AFAP1L1: variants seen among roughly 807,000 people sequenced by gnomAD.
The protein encoded by AFAP1L1 is actin filament associated protein 1 like 1.
Under a neutral mutation model 99.8 loss-of-function variants are expected in AFAP1L1, and 77 were observed. The ratio of observed to expected loss-of-function variants is 0.77; its 90% CI spans 0.64 to 0.93. The LOEUF (loss-of-function observed/expected upper bound fraction) is 0.93, where lower values mean the gene tolerates loss of function less well. Ranked by LOEUF, AFAP1L1 falls within the 40% of genes least tolerant of loss-of-function variation. The pLI, the probability that AFAP1L1 is intolerant of heterozygous loss-of-function variation, is 0.00. For synonymous variants in AFAP1L1, 373 were observed against 395.3 expected (o/e 0.94, Z 0.67); for missense variants, 893 against 996.8 (o/e 0.90, Z 1.40).
At chr5:149,291,214 G>A (rs894802310) in intron 1 of AFAP1L1, among the ~76,000 whole-genome samples, 5 of 152,092 alleles carry the variant, frequency 3.3e-5, no homozygotes, top group African/African-American at 1.2e-4. Flanking sequence ...GGAACAGAGC[G>A]TGAGGACAGC....
intron 1 of AFAP1L1, among the ~76,000 whole-genome samples, chr5:149,294,786 A>G (rs1755967001): frequency 7.1e-6 from 1 of 140,414 alleles, no homozygotes; most frequent in Non-Finnish European, 1.5e-5. Context: ...GGGCTGTGAG[A>G]GGAAGCCCAG....
intron 18 of AFAP1L1, among the ~76,000 whole-genome samples, chr5:149,336,285 G>C (rs967868057): frequency 2.6e-5 from 4 of 152,104 alleles, no homozygotes; most frequent in Non-Finnish European, 4.4e-5. Context: ...GCAAGACATA[G>C]GAATATATAT....
intron 1 of AFAP1L1, 145 bp downstream of exon 1, chr5:149,272,129 C>T: frequency 1.1e-6 from 1 of 910,090 alleles, no homozygotes; most frequent in Non-Finnish European, 1.4e-6. Context: ...GGAGACGCGG[C>T]GCTTATGCAA....
chr5:149,332,973 G>C (rs987802344), intron 17 of AFAP1L1, 100 bp downstream of exon 17: 37 of 1,397,802 alleles, frequency 2.6e-5, no homozygotes, highest in Non-Finnish European at 3.2e-5. Flanking sequence ...TAGGGGTTAT[G>C]CCCACTTACA....
intron 1 of AFAP1L1, among the ~76,000 whole-genome samples, chr5:149,282,038 CGGGAGGGCCCGGCCG>C (rs1392104767): frequency 1.3e-5 from 2 of 152,154 alleles, no homozygotes; most frequent in Admixed American, 6.5e-5. Context: ...GAGGCTGAGC[CGGGAGGGCCCGGCCG>C]GGGTCTATCC....
At chr5:149,288,831 C>T (rs1755761938) in intron 1 of AFAP1L1, among the ~76,000 whole-genome samples, 1 of 152,178 alleles carries the variant, frequency 6.6e-6, no homozygotes, top group East Asian at 1.9e-4. Context: ...CCCCAAGTGA[C>T]AGCCCTCCTG....
chr5:149,324,948 A>G (rs1324539336), intron 15 of AFAP1L1, among the ~76,000 whole-genome samples: 5 of 152,194 alleles, frequency 3.3e-5, no homozygotes, highest in South Asian at 2.1e-4. Context: ...TCATTCTCCA[A>G]TATCCTAATG....
intron 15 of AFAP1L1, 103 bp downstream of exon 15, chr5:149,322,820 G>A (rs1372690602): frequency 7.8e-6 from 7 of 901,106 alleles, no homozygotes; most frequent in Non-Finnish European, 1.2e-5. Context: ...AAATAAATGA[G>A]CAAAGTGAGA....
Position 149,319,702 on chromosome 5 carries a change from G to A in AFAP1L1, c.1600G>A (p.Val534Ile), listed in dbSNP as rs375480737. Residue 534 changes from valine to isoleucine, a missense_variant, in exon 13 of 19, where the codon GTC becomes ATC. By Grantham distance (29) the Val-to-Ile change is conservative. Coordinates refer to ENST00000296721, the MANE Select transcript of AFAP1L1 (RefSeq NM_152406.4). ...GGATGTGGAGACCTTAACCAGCATC[G>A]TCAGTGCTGGGCGCAACTCCTTCCT... ...YVDVETLTSI[V>I]SAGRNSFLYA... 97 of 1,612,092 alleles carry A rather than the reference G, an allele frequency of 6.0e-5. No homozygotes were observed. Among genetic ancestry groups the A allele is most frequent in the East Asian group, 4.9e-4 (22 of 44,886 alleles).
intron 1 of AFAP1L1, among the ~76,000 whole-genome samples, chr5:149,289,114 G>C (rs1214976729): frequency 6.6e-6 from 1 of 152,128 alleles, no homozygotes; most frequent in Non-Finnish European, 1.5e-5. Flanking sequence ...CCTTCTTACA[G>C]AAGAGGAAGA....
intron 10 of AFAP1L1, 47 bp downstream of exon 10, chr5:149,315,961 G>A (rs376140355): frequency 4.4e-5 from 70 of 1,607,158 alleles, no homozygotes; most frequent in Non-Finnish European, 5.6e-5. Flanking sequence ...GAACTGGGCC[G>A]GGCCTTGCCC....
intron 1 of AFAP1L1, among the ~76,000 whole-genome samples, chr5:149,273,161 G>C (rs149177345): frequency 6.7e-6 from 1 of 149,702 alleles, no homozygotes; most frequent in Non-Finnish European, 1.5e-5. Context: ...GATCCAAAGA[G>C]ATCACAGGTG....
In AFAP1L1 at chr5:149,343,328, TAAA is replaced by T. The variant is rs926392382; in HGVS notation, c.*3307_*3309del. On this transcript the variant is annotated 3_prime_UTR_variant, in exon 19 of 19. Coordinates refer to ENST00000296721, the MANE Select transcript of AFAP1L1 (RefSeq NM_152406.4). ...GCTCAAGGAACACTTCCCATTCCCT[TAAA>T]AAAAAAAATTAAGGGACTATCCAGT... 1.4e-5 allele frequency among the ~76,000 whole-genome samples: 2 copies of T among 147,190 alleles called. No homozygotes were observed. Among genetic ancestry groups the T allele is most frequent in the African/African-American group, 5.0e-5 (2 of 40,116 alleles).
At chr5:149,279,813 C>G (rs1336794700) in intron 1 of AFAP1L1, among the ~76,000 whole-genome samples, 1 of 152,184 alleles carries the variant, frequency 6.6e-6, no homozygotes, top group Non-Finnish European at 1.5e-5. Flanking sequence ...CCTGGTTCAC[C>G]CTTGCTCTTC....
intron 1 of AFAP1L1, among the ~76,000 whole-genome samples, chr5:149,290,628 T>A (rs926325190): frequency 6.6e-6 from 1 of 152,230 alleles, no homozygotes; most frequent in Non-Finnish European, 1.5e-5. Context: ...GTGAGGGATA[T>A]AAGTTGAACA....
At chr5:149,298,858 G>A (rs1471518007) in intron 1 of AFAP1L1, among the ~76,000 whole-genome samples, 4 of 152,218 alleles carry the variant, frequency 2.6e-5, no homozygotes, top group Admixed American at 6.5e-5. Context: ...GGATCCCACC[G>A]CACACCTCCT....
intron 5 of AFAP1L1, 23 bp from the exon 6 acceptor site, chr5:149,306,283 C>A (rs756581727): frequency 1.9e-6 from 3 of 1,600,744 alleles, no homozygotes; most frequent in Non-Finnish European, 2.6e-6. Context: ...CTCCAAAGTG[C>A]AGCTCTTTCT....
chr5:149,311,316 C>T (rs920317), intron 8 of AFAP1L1, among the ~76,000 whole-genome samples: 12,227 of 152,202 alleles, frequency 0.08, 538 homozygotes, highest in Middle Eastern at 0.16. Flanking sequence ...CTGGTTGGGT[C>T]GGCAGACGAA....
chr5:149,302,641 T>C, intron 5 of AFAP1L1, 115 bp downstream of exon 5: 1 of 892,846 alleles, frequency 1.1e-6, no homozygotes, highest in Non-Finnish European at 1.7e-6. Flanking sequence ...CTCCCAACCA[T>C]GTCACCATTG....
Sources: gnomAD v4.1 joint callset for allele counts (sites outside exome capture counted in the v4.1 genomes callset) on GRCh38, gnomAD v4.1.1 for gene constraint, MANE v1.5 for transcripts, NCBI Gene and HGNC (gene_info 2026-07-23, HGNC 2026-07-21) for gene names.